The following PTPRF variants were observed in gnomAD, a reference collection of about 807,000 sequenced individuals.
The protein encoded by PTPRF is receptor-type tyrosine-protein phosphatase F.
PTPRF carries 59 observed loss-of-function variants against 201.8 expected under a neutral mutation model. The ratio of observed to expected loss-of-function variants is 0.29; its 90% CI spans 0.24 to 0.36. The LOEUF is 0.36. Among genes scored for constraint, PTPRF ranks in the 10% least tolerant of loss-of-function variants. The pLI is 1.00. For synonymous variants in PTPRF, 1,088 were observed against 1,089.7 expected, an observed-to-expected ratio of 1.00 and a Z score of 0.03; for missense variants, 2,132 against 2,690.5, an observed-to-expected ratio of 0.79 and a Z score of 4.59.
rs1256102629 is a variant in PTPRF, at chr1:43,538,898, C to T, written c.-46+621C>T. On this transcript the variant is annotated intron_variant, in intron 2 of 33. Transcript: ENST00000359947. ...GGTTGGTAAGTTGGTTTAGAGTCAGCATCATGGGCCTTGGATGTCAGGCTA... is the reference window on the plus strand; with the variant it reads ...GGTTGGTAAGTTGGTTTAGAGTCAGTATCATGGGCCTTGGATGTCAGGCTA... Among the ~76,000 whole-genome samples the T allele has an allele frequency of 3.3e-5, 5 of 152,138 alleles. No individual in the cohort carries two copies. In the East Asian group the frequency reaches 9.6e-4, roughly 29 times the overall value.
At chr1:43,596,596 T>C (rs10890264) in intron 11 of PTPRF, among the ~76,000 whole-genome samples, 39,572 of 152,144 alleles carry the variant, frequency 0.26, 6,096 homozygotes, top group East Asian at 0.48. Context: ...GCCTTCATGT[T>C]CGGCCTCCTG....
Position 43,606,805 on chromosome 1 carries a change from G to C in PTPRF, c.3703-9G>C. On this transcript the variant is annotated splice_polypyrimidine_tract_variant and intron_variant, in intron 20 of 33. Coordinates refer to ENST00000359947, the MANE Select transcript of PTPRF (RefSeq NM_002840.5). ...AGCTCACAGCCTGCTGTTCTCCACC[G>C]GGCCACAGAAGCGCTATGCCTCCAG... The C allele has an allele frequency of 1.9e-6, 3 of 1,612,038 alleles. No homozygotes were observed.
intron 5 of PTPRF, among the ~76,000 whole-genome samples, chr1:43,564,816 G>GGTGCTGCCTGCCCCAGGACC (rs750989147): frequency 2.0e-5 from 3 of 152,112 alleles, no homozygotes; most frequent in Non-Finnish European, 4.4e-5. Flanking sequence ...ACTGACAGAC[G>GGTGCTGCCTGCCCCAGGACC]GTGCTGCCTG....
chr1:43,555,875 C>T (rs1292686236), intron 5 of PTPRF, among the ~76,000 whole-genome samples: 2 of 152,290 alleles, frequency 1.3e-5, no homozygotes, highest in South Asian at 2.1e-4. Context: ...CCATACACGT[C>T]GTTGCAGATG....
In PTPRF at chr1:43,538,515, C is replaced by T. The variant is rs117959562; in HGVS notation, c.-46+238C>T. 5.9e-5 allele frequency among the ~76,000 whole-genome samples: 9 copies of T among 152,098 alleles called. No homozygotes were observed. In the East Asian group the frequency reaches 1.5e-3, roughly 26 times the overall value. On this transcript the variant is annotated intron_variant, in intron 2 of 33. Transcript: ENST00000359947. The stretch of plus-strand genomic sequence containing the variant: ...ATTTAGGGAGGTAGAGTAGACAGGA[C>T]GTGGTGAAGGATTGAATGTGGGGCA...
chr1:43,546,574 G>A lies in PTPRF; in HGVS notation c.91+1408G>A, dbSNP rs1018958254. 7.2e-5 allele frequency among the ~76,000 whole-genome samples: 11 copies of A among 152,044 alleles called. No homozygotes were observed. The highest frequency in any genetic ancestry group is 7.4e-5 in the Non-Finnish European group (5 of 67,998). The stretch of plus-strand genomic sequence containing the variant: ...AAGTACTGTCCTTGCCCTCCCCGCC[G>A]ACCCAACCCCAGGCACTTTCAGGGC... On this transcript the variant is annotated intron_variant, in intron 3 of 33. Coordinates refer to ENST00000359947, the MANE Select transcript of PTPRF (RefSeq NM_002840.5). This position sits in a 1 kb window ranked among gnomAD's most constrained non-coding sequence, Gnocchi z 4.2.
chr1:43,576,329 C>T (rs1040359194), intron 6 of PTPRF, among the ~76,000 whole-genome samples: 1 of 151,376 alleles, frequency 6.6e-6, no homozygotes, highest in Admixed American at 6.6e-5. Flanking sequence ...TTGACAGTCT[C>T]TTTTGGGGGG....
chr1:43,619,397 C>T lies in PTPRF; in HGVS notation c.4756C>T (p.Gln1586Ter). 1 of 1,614,138 alleles carries T rather than the reference C, an allele frequency of 6.2e-7. No homozygotes were observed. Among genetic ancestry groups the T allele is most frequent in the Non-Finnish European group, 8.5e-7 (1 of 1,180,036 alleles). Reference sequence around the variant, plus strand: ...TGGCCACGTGACCTGCATGCGATCACAGAGGAACTACATGGTGCAGACGGA... The same window carrying T: ...TGGCCACGTGACCTGCATGCGATCATAGAGGAACTACATGGTGCAGACGGA... ...IYGHVTCMRS[Q>*]RNYMVQTEDQ... The change falls in exon 28 of 34, where the codon CAG becomes TAG. Residue 1586 changes from glutamine (Q) to a stop codon, truncating the protein, a stop_gained. Transcript: ENST00000359947. LOFTEE classifies it high-confidence loss of function.
chr1:43,588,683 T>C lies in PTPRF; in HGVS notation c.680-48T>C, dbSNP rs546501894. On this transcript the variant is annotated intron_variant, in intron 7 of 33. Coordinates refer to ENST00000359947, the MANE Select transcript of PTPRF (RefSeq NM_002840.5). The surrounding 1 kb of genome is among the most constrained non-coding windows in gnomAD (Gnocchi z 5.3). ...GAGGGGCCCCTGCCCTTCCATGCAG[T>C]CGTGTGTCCTGCCCGGCCTGTGAGT... is the stretch of plus-strand genomic sequence containing the variant. The C allele has an allele frequency of 9.4e-6, 15 of 1,600,954 alleles. No homozygotes were observed. In the South Asian group the frequency reaches 1.3e-4, roughly 14 times the overall value.
At chr1:43,614,345 G>C (rs1657208123) in intron 23 of PTPRF, among the ~76,000 whole-genome samples, 1 of 152,158 alleles carries the variant, frequency 6.6e-6, no homozygotes, top group African/African-American at 2.4e-5. Context: ...GGGGAGTCGG[G>C]GCCTCGAGAC....
At chr1:43,590,447 C>G (rs1650361229) in intron 8 of PTPRF, among the ~76,000 whole-genome samples, 1 of 152,208 alleles carries the variant, frequency 6.6e-6, no homozygotes, top group South Asian at 2.1e-4. Flanking sequence ...ACTGTGGACT[C>G]AGGACCTTTC....
In PTPRF at chr1:43,553,890, A is replaced by T; in HGVS notation, c.328A>T (p.Thr110Ser). 6.2e-7 allele frequency: 1 copy of T among 1,613,224 alleles called. No homozygotes were observed. Among genetic ancestry groups the T allele is most frequent in the Non-Finnish European group, 8.5e-7 (1 of 1,179,754 alleles). The change falls in exon 5 of 34, where the codon ACT (threonine) becomes TCT (serine). Residue 110 changes from threonine to serine, a missense_variant. Thr to Ser is a moderately conservative substitution (Grantham distance 58, BLOSUM62 1). Coordinates refer to ENST00000359947, the MANE Select transcript of PTPRF (RefSeq NM_002840.5). This position sits in a 1 kb window ranked among gnomAD's most constrained non-coding sequence, Gnocchi z 4.1. ...RDEAIYECTA[T>S]NSLGEINTSA... The stretch of plus-strand genomic sequence containing the variant: ...TGAAGCCATCTATGAGTGTACAGCT[A>T]CTAACAGCCTGGGTGAGATCAACAC...
chr1:43,529,229 T>C (rs1458112124), upstream of PTPRF, among the ~76,000 whole-genome samples: 1 of 152,236 alleles, frequency 6.6e-6, no homozygotes, highest in African/African-American at 2.4e-5. Flanking sequence ...ATATTCATTT[T>C]TGATCCGTTT....
rs765355012 is a variant in PTPRF at position 43,592,597 on chromosome 1, G to A, written c.1809G>A (p.Gln603=). 6.3e-7 allele frequency: 1 copy of A among 1,587,062 alleles called. No individual in the cohort carries two copies. The highest frequency in any genetic ancestry group is 1.7e-5 in the Admixed American group (1 of 57,700). Residue 603 remains glutamine (Q), a synonymous_variant, in exon 11 of 34, where the codon CAG becomes CAA. Coordinates refer to ENST00000359947, the MANE Select transcript of PTPRF (RefSeq NM_002840.5). The part of the protein sequence containing the change: ...FTPTIEARTA[Q]STPSAPPQKV... The stretch of plus-strand genomic sequence containing the variant: ...CCACCATTGAGGCCCGCACAGCCCA[G>A]TCCAGTAAGTGTCTCCCAAGTCCGC...
At position 43,553,581 on chromosome 1, in the gene PTPRF, A is replaced by C. The variant is rs774071378; in HGVS notation, c.181A>C (p.Lys61Gln). The change falls in exon 4 of 34, where the codon AAG (lysine) becomes CAG (glutamine). Residue 61 changes from lysine (K) to glutamine (Q), a missense_variant. Coordinates refer to ENST00000359947, the MANE Select transcript of PTPRF (RefSeq NM_002840.5). The surrounding 1 kb of genome is among the most constrained non-coding windows in gnomAD (Gnocchi z 4.1). ...CGTGTGCCAAGCTACAGGAGAACCC[A>C]AGCCGCGCATCACATGGATGAAGAA... ...SFVCQATGEP[K>Q]PRITWMKKGK... The C allele has an allele frequency of 6.2e-7, 1 of 1,614,178 alleles. No homozygotes were observed. Among genetic ancestry groups the C allele is most frequent in the Non-Finnish European group, 8.5e-7 (1 of 1,180,032 alleles).
intron 5 of PTPRF, among the ~76,000 whole-genome samples, chr1:43,565,771 T>G (rs28431224): frequency 6.6e-6 from 1 of 151,794 alleles, no homozygotes; most frequent in Non-Finnish European, 1.5e-5. Flanking sequence ...AGCCGGGGCC[T>G]GGGAAGGGGC....
rs976385010 is a variant in PTPRF at position 43,618,870 on chromosome 1, G to T, written c.4491+121G>T. The T allele has an allele frequency of 3.1e-5, 45 of 1,472,310 alleles. No homozygotes were observed. The Admixed American group carries it at 8.4e-4, about 28-fold the overall frequency. 91.2% of individuals were successfully genotyped at this position (1,472,310 alleles called of 1,614,324 possible). On this transcript the variant is annotated intron_variant, in intron 26 of 33. Coordinates refer to ENST00000359947, the MANE Select transcript of PTPRF (RefSeq NM_002840.5). ...GTGTTGGAGGGTCGGAGGCTCAGGT[G>T]TGTGAGTGATGTGATGATCCATGTT... is the stretch of plus-strand genomic sequence containing the variant.
At position 43,619,462 on chromosome 1, in the gene PTPRF, T is replaced by C. The variant is rs145219690; in HGVS notation, c.4821T>C (p.Ala1607=). ...TCATCCATGAGGCGCTGCTGGAGGC[T>C]GCCACGTGCGGCCACACAGAGGTGC... is the stretch of plus-strand genomic sequence containing the variant. ...YVFIHEALLE[A]ATCGHTEVPA... Residue 1607 remains alanine, a synonymous_variant, in exon 28 of 34, where the codon GCT becomes GCC. Transcript: ENST00000359947. 225 of 1,614,074 alleles carry C rather than the reference T, an allele frequency of 1.4e-4. 1 individual carries two copies. In the African/African-American group the frequency reaches 2.8e-3, roughly 20 times the overall value.
At chr1:43,548,958 T>C (rs541283725) in intron 3 of PTPRF, among the ~76,000 whole-genome samples, 43 of 152,110 alleles carry the variant, frequency 2.8e-4, no homozygotes, top group Non-Finnish European at 4.7e-4. Context: ...CCCTGGGAGG[T>C]GGTTGCAGCC....
Sources: allele counts gnomAD v4.1 joint callset (sites outside exome capture counted in the v4.1 genomes callset), GRCh38; gene constraint gnomAD v4.1.1; non-coding constraint Gnocchi (gnomAD v3.1); transcripts MANE v1.5; gene names NCBI Gene and HGNC (gene_info 2026-07-23, HGNC 2026-07-21).